Variants in KCNN2 observed in about 807,000 individuals in gnomAD.
KCNN2 encodes potassium calcium-activated channel subfamily N member 2.
Under a neutral mutation model 55.5 loss-of-function variants are expected in KCNN2, and 24 were observed. The ratio of observed to expected loss-of-function variants is 0.43; its 90% confidence interval spans 0.31 to 0.61. KCNN2 has a LOEUF of 0.61. KCNN2 is among the 20% of genes least tolerant of loss of function. The pLI is 0.08. For synonymous variants in KCNN2, 431 were observed against 336.1 expected, an observed-to-expected ratio of 1.28 and a Z score of -3.09; for missense variants, 754 against 853.6, an observed-to-expected ratio of 0.88 and a Z score of 1.45.
At chr5:114,262,775 C>G (rs190673355) in intron 2 of KCNN2, among the ~76,000 whole-genome samples, 3 of 152,082 alleles carry the variant, frequency 2.0e-5, no homozygotes, top group African/African-American at 7.2e-5. Context: ...GGACAGCGTG[C>G]CTGGATTCTC....
At chr5:114,076,776 C>G (rs1750692471) in intron 1 of KCNN2, among the ~76,000 whole-genome samples, 1 of 152,160 alleles carries the variant, frequency 6.6e-6, no homozygotes, top group African/African-American at 2.4e-5. Context: ...TTACTGCAAC[C>G]TCAGCCTCCC....
chr5:114,490,130 A>G (rs1363542742), intron 6 of KCNN2, among the ~76,000 whole-genome samples: 2 of 152,136 alleles, frequency 1.3e-5, no homozygotes, highest in Admixed American at 1.3e-4. Flanking sequence ...TCTGGTAGCA[A>G]CTTTCCCTTT....
intron 2 of KCNN2, 64 bp from the exon 3 acceptor site, chr5:114,404,374 C>G (rs1381015244): frequency 2.0e-5 from 26 of 1,320,412 alleles, no homozygotes; most frequent in Non-Finnish European, 2.7e-5. Context: ...TTTTTAAAAT[C>G]TGCACTAACA....
intron 2 of KCNN2, among the ~76,000 whole-genome samples, chr5:114,330,104 A>G (rs547993444): frequency 6.6e-6 from 1 of 152,324 alleles, no homozygotes; most frequent in South Asian, 2.1e-4. Flanking sequence ...CAGCTGCTTC[A>G]TACTACTCAT....
chr5:114,246,978 A>G (rs1004681112), intron 2 of KCNN2, among the ~76,000 whole-genome samples: 2 of 151,690 alleles, frequency 1.3e-5, no homozygotes, highest in Non-Finnish European at 2.9e-5. Flanking sequence ...TTACCTGGAA[A>G]TGGTTAGATT....
intron 3 of KCNN2, among the ~76,000 whole-genome samples, chr5:114,449,601 A>C (rs1760562297): frequency 6.6e-6 from 1 of 152,150 alleles, no homozygotes; most frequent in Non-Finnish European, 1.5e-5. Flanking sequence ...CATGCAGAAC[A>C]AGAGGTGGGG....
intron 2 of KCNN2, among the ~76,000 whole-genome samples, chr5:114,370,492 C>T (rs1372025218): frequency 6.6e-6 from 1 of 151,788 alleles, no homozygotes; most frequent in African/African-American, 2.4e-5. Context: ...TGATAAATTC[C>T]CTAGAGGAGA....
At chr5:114,337,377 A>G (rs13188573) in intron 2 of KCNN2, among the ~76,000 whole-genome samples, 45,295 of 152,118 alleles carry the variant, frequency 0.3, 7,076 homozygotes, top group Non-Finnish European at 0.35. Context: ...GGTGATACCA[A>G]CATAGAAGAA....
At chr5:114,271,195 C>G (rs1277017648) in intron 2 of KCNN2, among the ~76,000 whole-genome samples, 1 of 152,080 alleles carries the variant, frequency 6.6e-6, no homozygotes, top group African/African-American at 2.4e-5. Flanking sequence ...CGTGCGTTTA[C>G]AAACCTTTAG....
At position 114,362,783 on chromosome 5, in the gene KCNN2, G is replaced by A; in HGVS notation, c.644G>A (p.Ser215Asn). The change falls in exon 1 of 8, where the codon AGC becomes AAC. Residue 215 changes from serine to asparagine, a missense_variant. Physicochemically the swap from Ser to Asn is conservative, Grantham distance 46. Transcript: ENST00000673685. ...SNPFTEIAMS[S>N]CRYNGGVMRP... Reference sequence around the variant, plus strand: ...CCCTTCACCGAAATAGCCATGAGCAGCTGCAGGTACAACGGGGGCGTCATG... The same window carrying A: ...CCCTTCACCGAAATAGCCATGAGCAACTGCAGGTACAACGGGGGCGTCATG... 6.3e-7 allele frequency: 1 copy of A among 1,590,672 alleles called. No individual in the cohort carries two copies. Among genetic ancestry groups the A allele is most frequent in the Non-Finnish European group, 8.5e-7 (1 of 1,173,974 alleles).
rs571367523 is a variant in KCNN2 at position 114,198,344 on chromosome 5, G to A, written c.-270-23136G>A. On this transcript the variant is annotated intron_variant, in intron 1 of 10. Coordinates refer to the KCNN2 transcript ENST00000512097. ...CAACCTCATATATATATATATATAC[G>A]TGTATATATACATAGGTGTGTATAT... 1.6e-3 allele frequency among the ~76,000 whole-genome samples: 233 copies of A among 146,380 alleles called. 1 individual carries two copies. The highest frequency in any genetic ancestry group is 5.5e-3 in the African/African-American group (220 of 39,778).
intron 1 of KCNN2, among the ~76,000 whole-genome samples, chr5:114,179,932 A>G (rs1753207096): frequency 6.6e-6 from 1 of 152,196 alleles, no homozygotes; most frequent in Non-Finnish European, 1.5e-5. Context: ...AAACATTTAC[A>G]GCCACTTATC....
At chr5:114,490,964 T>C (rs993163787) in intron 6 of KCNN2, among the ~76,000 whole-genome samples, 2 of 152,190 alleles carry the variant, frequency 1.3e-5, no homozygotes, top group Non-Finnish European at 2.9e-5. Context: ...AGGCTTTTTC[T>C]ATCAGCTCTC....
chr5:114,286,432 A>G (rs1462246316), intron 2 of KCNN2, among the ~76,000 whole-genome samples: 1 of 152,178 alleles, frequency 6.6e-6, no homozygotes, highest in Non-Finnish European at 1.5e-5. Context: ...AAAAAGTAGA[A>G]GTTGAAACCA....
At chr5:114,461,112 C>T (rs1295832047) in intron 3 of KCNN2, among the ~76,000 whole-genome samples, 3 of 152,152 alleles carry the variant, frequency 2.0e-5, no homozygotes, top group African/African-American at 7.2e-5. Context: ...CTGTTACATA[C>T]GCATAGCAGG....
chr5:114,366,099 A>G (rs1276480124), intron 2 of KCNN2, among the ~76,000 whole-genome samples: 1 of 152,248 alleles, frequency 6.6e-6, no homozygotes, highest in Non-Finnish European at 1.5e-5. Flanking sequence ...ACAGAAGTTT[A>G]TAAAAAATCA....
chr5:114,206,949 C>G (rs1428115965), intron 1 of KCNN2, among the ~76,000 whole-genome samples: 1 of 152,132 alleles, frequency 6.6e-6, no homozygotes, highest in Non-Finnish European at 1.5e-5. Context: ...TCATGTTGAG[C>G]CTTTTCTCCG....
intron 1 of KCNN2, among the ~76,000 whole-genome samples, chr5:114,189,746 A>G (rs947993021): frequency 1.2e-4 from 19 of 152,200 alleles, no homozygotes; most frequent in Admixed American, 1.2e-3. Flanking sequence ...TGAAATTAAG[A>G]ACTTAAACGT....
rs146079762 is a variant in KCNN2 at position 114,116,313 on chromosome 5, T to G, written c.-271+59813T>G. 4.6e-4 allele frequency among the ~76,000 whole-genome samples: 70 copies of G among 152,214 alleles called. 3 individuals are homozygous for G. In the East Asian group the frequency reaches 0.013, roughly 29 times the overall value. On this transcript the variant is annotated intron_variant, in intron 1 of 10. Transcript: ENST00000512097. Reference sequence around the variant, plus strand: ...CAGTCAGAGAGGCAAAGGGAGAATTTTTAAATAAAAGAAAGTTTTTCTGAT... The same window carrying G: ...CAGTCAGAGAGGCAAAGGGAGAATTGTTAAATAAAAGAAAGTTTTTCTGAT...
Sources: gnomAD v4.1 joint callset for allele counts (sites outside exome capture counted in the v4.1 genomes callset) on GRCh38, gnomAD v4.1.1 for gene constraint, MANE v1.5 for transcripts, NCBI Gene and HGNC (gene_info 2026-07-23, HGNC 2026-07-21) for gene names.